AKAP9: variants seen among roughly 807,000 people sequenced by gnomAD.
AKAP9 encodes the protein A-kinase anchor protein 9.
In AKAP9, 311 loss-of-function variants were observed where a neutral mutation model predicts 488.5. The ratio of observed to expected loss-of-function variants is 0.64; its 90% CI spans 0.58 to 0.70. The LOEUF (loss-of-function observed/expected upper bound fraction) is 0.70, where lower values mean the gene tolerates loss of function less well. AKAP9 is among the 30% of genes least tolerant of loss of function. AKAP9 has a pLI of 0.00. For synonymous variants in AKAP9, 1,462 were observed against 1,483.5 expected, an observed-to-expected ratio of 0.99 and a Z score of 0.33; for missense variants, 4,215 against 4,374.5, an observed-to-expected ratio of 0.96 and a Z score of 1.03.
chr7:92,080,047 A>C lies in AKAP9; in HGVS notation c.7914A>C (p.Glu2638Asp). The change falls in exon 31 of 50, where the codon GAA (glutamate) becomes GAC (aspartate). Residue 2638 changes from glutamate (E) to aspartate (D), a missense_variant. Coordinates refer to ENST00000356239, the MANE Select transcript of AKAP9 (RefSeq NM_005751.5). ...QVEIAEKNVL[E>D]KEKKLLELQK... ...AAATTGCAGAAAAAAATGTTTTAGA[A>C]AAAGAAAAGAAGCTGCTAGAACTAC... The C allele has an allele frequency of 6.4e-7, 1 of 1,564,378 alleles. No individual in the cohort carries two copies. Among genetic ancestry groups the C allele is most frequent in the Middle Eastern group, 1.7e-4 (1 of 5,722 alleles).
chr7:92,045,814 G>A (rs979258482), intron 21 of AKAP9, among the ~76,000 whole-genome samples: 7 of 150,206 alleles, frequency 4.7e-5, no homozygotes, highest in Admixed American at 1.3e-4. Context: ...TGTGGATTCA[G>A]CTCTTCTTTC....
intron 2 of AKAP9, among the ~76,000 whole-genome samples, chr7:91,976,629 A>T (rs1372372956): frequency 6.6e-6 from 1 of 152,226 alleles, no homozygotes; most frequent in Non-Finnish European, 1.5e-5. Flanking sequence ...CACATTTTAC[A>T]TTATATAAAT....
At chr7:92,013,160 T>G (rs1801008292) in intron 9 of AKAP9, among the ~76,000 whole-genome samples, 1 of 149,856 alleles carries the variant, frequency 6.7e-6, no homozygotes, top group Non-Finnish European at 1.5e-5. Flanking sequence ...CCCGGCTAAT[T>G]TTTTGTATTT....
At position 92,002,104 on chromosome 7, in the gene AKAP9, A is replaced by C; in HGVS notation, c.2187A>C (p.Glu729Asp). The C allele has an allele frequency of 6.3e-7, 1 of 1,594,900 alleles. No homozygotes were observed. The highest frequency in any genetic ancestry group is 8.5e-7 in the Non-Finnish European group (1 of 1,174,832). The stretch of plus-strand genomic sequence containing the variant: ...TCAATGAACTTCAAAAAGAAATTGA[A>C]ATACTCAGACAAGAAGAAAAAGAAA... ...LQINELQKEI[E>D]ILRQEEKEKG... Residue 729 changes from glutamate (E) to aspartate (D), a missense_variant, in exon 8 of 50, where the codon GAA becomes GAC. Glu to Asp is a conservative substitution (Grantham distance 45). This residue lies in a region of AKAP9 where 2,361 missense variants were observed against 2,430.0 expected (regional missense o/e 0.97). Transcript: ENST00000356239.
At chr7:92,013,439 T>C (rs1181782506) in intron 9 of AKAP9, among the ~76,000 whole-genome samples, 3 of 152,160 alleles carry the variant, frequency 2.0e-5, no homozygotes, top group Non-Finnish European at 4.4e-5. Context: ...AGAAAAAGTT[T>C]TATTCTGAAA....
rs771608420 is a variant in AKAP9, at chr7:92,001,217, C to T, written c.1300C>T (p.Arg434Trp). ...AACACAAAGAAAGTTAGAACAACTC[C>T]GGGCAGAGCTGGATGAGATGTATGG... The part of the protein sequence containing the change: ...QETQRKLEQL[R>W]AELDEMYGQQ... The change falls in exon 8 of 50, where the codon CGG (arginine) becomes TGG (tryptophan). Residue 434 changes from arginine to tryptophan, a missense_variant. By Grantham distance (101) the Arg-to-Trp change is moderately radical. This residue lies in a region of AKAP9 where 2,361 missense variants were observed against 2,430.0 expected (regional missense o/e 0.97). Coordinates refer to ENST00000356239, the MANE Select transcript of AKAP9 (RefSeq NM_005751.5). 26 of 1,613,728 alleles carry T rather than the reference C, an allele frequency of 1.6e-5. No individual in the cohort carries two copies. The highest frequency in any genetic ancestry group is 6.7e-5 in the Admixed American group (4 of 59,976).
chr7:91,973,916 G>A lies in AKAP9; in HGVS notation c.254G>A (p.Arg85Lys). The A allele has an allele frequency of 6.2e-7, 1 of 1,613,910 alleles. No individual in the cohort carries two copies. Among genetic ancestry groups the A allele is most frequent in the Non-Finnish European group, 8.5e-7 (1 of 1,179,952 alleles). ...STVIPESTIMRTLHSGEITSH... is the reference protein window; with the variant it reads ...STVIPESTIMKTLHSGEITSH... ...GTGATTCCTGAATCTACAATAATGA[G>A]AACTCTACATAGTGGAGAAATAACC... The change falls in exon 2 of 50, where the codon AGA becomes AAA. Residue 85 changes from arginine to lysine, a missense_variant. Physicochemically the swap from Arg to Lys is conservative, Grantham distance 26. This residue lies in a region of AKAP9 where 2,361 missense variants were observed against 2,430.0 expected (regional missense o/e 0.97). Transcript: ENST00000356239.
rs1563112678 is a variant in AKAP9 at position 92,083,444 on chromosome 7, G to A, written c.8435G>A (p.Cys2812Tyr). ...AGIQINLQSE[C>Y]SSEEVTEIIS... ...ATACAAATTAATTTACAGAGTGAAT[G>A]TTCCTCAGAAGAAGTTACTGAAATA... The change falls in exon 33 of 50, where the codon TGT (cysteine) becomes TAT (tyrosine). Residue 2812 changes from cysteine to tyrosine, a missense_variant. Transcript: ENST00000356239. 1.9e-6 allele frequency: 3 copies of A among 1,614,004 alleles called. No homozygotes were observed. Among genetic ancestry groups the A allele is most frequent in the Admixed American group, 1.7e-5 (1 of 60,012 alleles).
intron 16 of AKAP9, among the ~76,000 whole-genome samples, chr7:92,034,500 T>TATATA (rs374127163): frequency 8.7e-4 from 78 of 89,580 alleles, no homozygotes; most frequent in Middle Eastern, 5.6e-3. Context: ...ATATATATAT[T>TATATA]TTTTTTTTTT....
intron 28 of AKAP9, among the ~76,000 whole-genome samples, chr7:92,075,862 G>A (rs1192824386): frequency 6.6e-6 from 1 of 152,188 alleles, no homozygotes; most frequent in Non-Finnish European, 1.5e-5. Context: ...CTCAGTATGT[G>A]ATGTGTTAGT....
At chr7:92,047,631 C>T (rs1283757209) in intron 21 of AKAP9, among the ~76,000 whole-genome samples, 1 of 152,172 alleles carries the variant, frequency 6.6e-6, no homozygotes, top group East Asian at 1.9e-4. Flanking sequence ...GAAGTCATTG[C>T]TATTCTGATT....
At chr7:92,015,783 T>G (rs923211405) in intron 10 of AKAP9, among the ~76,000 whole-genome samples, 1 of 152,172 alleles carries the variant, frequency 6.6e-6, no homozygotes, top group African/African-American at 2.4e-5. Flanking sequence ...CCTGTGATGT[T>G]TTTTCAAAGG....
At chr7:92,064,760 A>C (rs1810494339) in intron 24 of AKAP9, among the ~76,000 whole-genome samples, 1 of 152,166 alleles carries the variant, frequency 6.6e-6, no homozygotes, top group South Asian at 2.1e-4. Flanking sequence ...TAACTCTTAG[A>C]CTTGCCTTGG....
chr7:91,949,096 C>G (rs1791875162), intron 1 of AKAP9, among the ~76,000 whole-genome samples: 1 of 151,706 alleles, frequency 6.6e-6, no homozygotes, highest in South Asian at 2.1e-4. Context: ...TATCCCTTGC[C>G]CATTTTTTAA....
chr7:92,051,237 G>GT (rs1299257137), intron 21 of AKAP9, among the ~76,000 whole-genome samples: 1 of 152,028 alleles, frequency 6.6e-6, no homozygotes, highest in Admixed American at 6.6e-5. Flanking sequence ...AGTTCCCATC[G>GT]TATCACACTG....
chr7:92,066,251 T>C (rs1396978440), intron 25 of AKAP9, among the ~76,000 whole-genome samples, 176 bp from the exon 26 acceptor site: 1 of 152,190 alleles, frequency 6.6e-6, no homozygotes, highest in African/African-American at 2.4e-5. Flanking sequence ...ATAGGCTATA[T>C]GGCATATAAA....
intron 32 of AKAP9, 103 bp from the exon 33 acceptor site, chr7:92,083,067 A>G (rs1813867563): frequency 9.6e-6 from 13 of 1,357,520 alleles, no homozygotes; most frequent in Non-Finnish European, 1.3e-5. Flanking sequence ...AGGAAAATGA[A>G]CGTATAATCA....
intron 8 of AKAP9, among the ~76,000 whole-genome samples, chr7:92,004,429 T>C (rs1465573031): frequency 6.6e-6 from 1 of 152,224 alleles, no homozygotes; most frequent in Admixed American, 6.5e-5. Context: ...TTTCACAATA[T>C]TGATTCTTCC....
chr7:91,982,728 G>C (rs1019024821), intron 3 of AKAP9, among the ~76,000 whole-genome samples: 1 of 152,122 alleles, frequency 6.6e-6, no homozygotes, highest in African/African-American at 2.4e-5. Flanking sequence ...CGCTGGGTCA[G>C]ATGGTATTTC....
Sources: allele counts gnomAD v4.1 joint callset (sites outside exome capture counted in the v4.1 genomes callset), GRCh38; gene constraint gnomAD v4.1.1; regional missense constraint gnomAD v4.1.1; transcripts MANE v1.5; gene names NCBI Gene and HGNC (gene_info 2026-07-23, HGNC 2026-07-21).